Variants in RBFOX1 observed in about 807,000 individuals in gnomAD.
RBFOX1 encodes the protein RNA binding protein fox-1 homolog 1.
Under a neutral mutation model 57.7 loss-of-function variants are expected in RBFOX1, and 8 were observed. That is an observed-to-expected ratio of 0.14 (90% CI 0.08 to 0.25). The LOEUF is 0.25. RBFOX1 is among the 10% of genes least tolerant of loss of function. The pLI is 1.00. For synonymous variants in RBFOX1, 326 were observed against 222.4 expected (o/e 1.47, Z -4.15); for missense variants, 611 against 548.5 (o/e 1.11, Z -1.14).
At chr16:7,242,121 C>A (rs1241215806) in intron 4 of RBFOX1, among the ~76,000 whole-genome samples, 1 of 152,066 alleles carries the variant, frequency 6.6e-6, no homozygotes, top group Non-Finnish European at 1.5e-5. Flanking sequence ...CTGTTGAGAA[C>A]CCCTGCTTAT....
intron 1 of RBFOX1, among the ~76,000 whole-genome samples, chr16:6,193,576 G>A (rs1433048864): frequency 6.6e-6 from 1 of 150,856 alleles, no homozygotes; most frequent in Non-Finnish European, 1.5e-5. Flanking sequence ...GCTAATAGGG[G>A]CTACTTTTAA....
chr16:6,611,700 G>A (rs1393749831), intron 2 of RBFOX1, among the ~76,000 whole-genome samples: 1 of 152,124 alleles, frequency 6.6e-6, no homozygotes, highest in Non-Finnish European at 1.5e-5. Context: ...CTTGTCCGTG[G>A]CTTCTGGATA....
chr16:7,264,816 T>G (rs918812376), intron 4 of RBFOX1, among the ~76,000 whole-genome samples: 13 of 152,200 alleles, frequency 8.5e-5, no homozygotes, highest in Admixed American at 4.6e-4. Context: ...GTCCAAACTT[T>G]AAAGTACCCA....
At chr16:6,665,478 A>C (rs1000769457) in intron 3 of RBFOX1, among the ~76,000 whole-genome samples, 1 of 152,122 alleles carries the variant, frequency 6.6e-6, no homozygotes, top group Non-Finnish European at 1.5e-5. Context: ...AAAAAATATT[A>C]GCCAGGCATA....
chr16:5,833,512 A>AAAAG (rs913324682), intron 3 of RBFOX1, among the ~76,000 whole-genome samples: 190 of 151,060 alleles, frequency 1.3e-3, no homozygotes, highest in African/African-American at 4.6e-3. Context: ...AAAAAAAAAA[A>AAAAG]AAAGAAAGAA....
At chr16:5,831,865 T>C (rs1567600618) in intron 3 of RBFOX1, among the ~76,000 whole-genome samples, 1 of 152,220 alleles carries the variant, frequency 6.6e-6, no homozygotes, top group Non-Finnish European at 1.5e-5. Context: ...ATAAGCTCTT[T>C]TAAGTGAATG....
At chr16:6,905,094 A>C (rs560525089) in intron 3 of RBFOX1, among the ~76,000 whole-genome samples, 11 of 152,264 alleles carry the variant, frequency 7.2e-5, no homozygotes, top group South Asian at 2.1e-4. Context: ...CCTGGGAGTC[A>C]GTGTTGTTAA....
At chr16:6,564,775 A>G (rs944407342) in intron 2 of RBFOX1, among the ~76,000 whole-genome samples, 1 of 152,156 alleles carries the variant, frequency 6.6e-6, no homozygotes, top group Admixed American at 6.5e-5. Flanking sequence ...TAATCATTAC[A>G]CAAGGCATAT....
intron 3 of RBFOX1, among the ~76,000 whole-genome samples, chr16:6,997,585 C>A (rs1038767700): frequency 6.6e-6 from 1 of 152,112 alleles, no homozygotes; most frequent in Non-Finnish European, 1.5e-5. Context: ...ATTTAAGATA[C>A]AAAAGATAGA....
chr16:7,448,063 T>C (rs113860510), intron 4 of RBFOX1, among the ~76,000 whole-genome samples: 6 of 152,296 alleles, frequency 3.9e-5, no homozygotes, highest in African/African-American at 1.2e-4. Flanking sequence ...AACTGACTAA[T>C]CTAAGGGCCA....
chr16:7,490,286 G>A (rs1204725065), intron 4 of RBFOX1, among the ~76,000 whole-genome samples: 1 of 152,216 alleles, frequency 6.6e-6, no homozygotes, highest in Non-Finnish European at 1.5e-5. Flanking sequence ...AGATAAGTGT[G>A]CAGTTTCTGA....
chr16:6,642,652 A>G (rs2098501776), intron 2 of RBFOX1, among the ~76,000 whole-genome samples: 1 of 115,662 alleles, frequency 8.6e-6, no homozygotes, highest in Non-Finnish European at 2.0e-5. Flanking sequence ...GGGATGCCAA[A>G]GAAAGGTAGG....
chr16:5,880,144 A>G (rs962917480), intron 4 of RBFOX1, among the ~76,000 whole-genome samples: 3 of 152,154 alleles, frequency 2.0e-5, no homozygotes, highest in African/African-American at 7.2e-5. Flanking sequence ...TCTTTTATGC[A>G]CTTTGTTCCA....
rs750725553 is a variant in RBFOX1 at position 7,188,630 on chromosome 16, A to T, written c.27+136532A>T. Among the ~76,000 whole-genome samples, 8 of 152,068 alleles carry T rather than the reference A, an allele frequency of 5.3e-5. 1 individual carries two copies. Among genetic ancestry groups the T allele is most frequent in the Non-Finnish European group, 1.2e-4 (8 of 68,022 alleles). ...CTGCAGACTTTTCCAATAAGCATTGACTCATTATACCAGTCCAGTATCATT... is the reference window on the plus strand; with the variant it reads ...CTGCAGACTTTTCCAATAAGCATTGTCTCATTATACCAGTCCAGTATCATT... On this transcript the variant is annotated intron_variant, in intron 4 of 15. Transcript: ENST00000550418.
intron 4 of RBFOX1, among the ~76,000 whole-genome samples, chr16:7,285,007 G>A (rs183809038): frequency 6.3e-5 from 9 of 143,316 alleles, no homozygotes; most frequent in East Asian, 2.0e-4. Flanking sequence ...ATGGAATGCC[G>A]CCTCTTCAGA....
chr16:6,834,993 C>T (rs976865458), intron 3 of RBFOX1, among the ~76,000 whole-genome samples: 5 of 151,302 alleles, frequency 3.3e-5, no homozygotes, highest in Admixed American at 2.0e-4. Context: ...CCCAGGTTCA[C>T]GCCATTCTCC....
intron 5 of RBFOX1, among the ~76,000 whole-genome samples, chr16:7,572,196 G>A (rs1417873765): frequency 1.3e-5 from 2 of 152,052 alleles, no homozygotes; most frequent in South Asian, 2.1e-4. Context: ...TTTATACAAG[G>A]GACTTAACCA....
chr16:6,350,736 C>T (rs1360579212), intron 2 of RBFOX1, among the ~76,000 whole-genome samples: 1 of 152,128 alleles, frequency 6.6e-6, no homozygotes, highest in Non-Finnish European at 1.5e-5. Flanking sequence ...GCCTCATTAA[C>T]AACACTAGGA....
At chr16:5,545,350 A>G (rs1268234708) in intron 2 of RBFOX1, among the ~76,000 whole-genome samples, 2 of 152,192 alleles carry the variant, frequency 1.3e-5, no homozygotes, top group Non-Finnish European at 2.9e-5. Flanking sequence ...TTGAAGAGGA[A>G]AGATTATTTT....
Sources: gnomAD v4.1 joint callset for allele counts (sites outside exome capture counted in the v4.1 genomes callset) on GRCh38, gnomAD v4.1.1 for gene constraint, MANE v1.5 for transcripts, NCBI Gene and HGNC (gene_info 2026-07-23, HGNC 2026-07-21) for gene names.